The following BMAL1 variants were observed in gnomAD, a reference collection of about 807,000 sequenced individuals.
BMAL1 encodes the protein basic helix-loop-helix ARNT-like protein 1.
the BMAL1 span, among the ~76,000 whole-genome samples, chr11:13,362,643 A>G: frequency 6.6e-6 from 1 of 152,114 alleles, no homozygotes; most frequent in Non-Finnish European, 1.5e-5. Context: ...CTCTCAGGAC[A>G]CAGTTATTCA....
chr11:13,315,136 C>T, the BMAL1 span, among the ~76,000 whole-genome samples: 1 of 152,158 alleles, frequency 6.6e-6, no homozygotes, highest in African/African-American at 2.4e-5. Flanking sequence ...CCGAGGTGTC[C>T]TGCAGACCAG....
At chr11:13,286,417 A>G in the BMAL1 span, among the ~76,000 whole-genome samples, 3 of 152,212 alleles carry the variant, frequency 2.0e-5, no homozygotes, top group Admixed American at 6.5e-5. Context: ...TGGGCTCCAG[A>G]CTGGGCCCAG....
At chr11:13,386,281 T>G in the BMAL1 span, among the ~76,000 whole-genome samples, 1 of 152,062 alleles carries the variant, frequency 6.6e-6, no homozygotes, top group Admixed American at 6.5e-5. Flanking sequence ...ATTATTAAAA[T>G]AAGCTTGACT....
chr11:13,279,327 T>G, the BMAL1 span, among the ~76,000 whole-genome samples: 1 of 152,210 alleles, frequency 6.6e-6, no homozygotes, highest in Non-Finnish European at 1.5e-5. Flanking sequence ...AGCTGCCCCT[T>G]AGATGCATTC....
chr11:13,299,294 GT>G, the BMAL1 span, among the ~76,000 whole-genome samples: 4 of 152,182 alleles, frequency 2.6e-5, no homozygotes, highest in African/African-American at 9.7e-5. Context: ...GCTTTGAGAG[GT>G]TGGGGTCATT....
chr11:13,371,301 G>T, the BMAL1 span, among the ~76,000 whole-genome samples: 1 of 152,268 alleles, frequency 6.6e-6, no homozygotes, highest in South Asian at 2.1e-4. Context: ...CTCTGAGTCA[G>T]TGAATGACAC....
the BMAL1 span, among the ~76,000 whole-genome samples, chr11:13,284,135 T>C: frequency 1.4e-5 from 1 of 70,986 alleles, no homozygotes; most frequent in Admixed American, 1.6e-4. Flanking sequence ...TGTGTATATA[T>C]ATATATATGT....
At chr11:13,299,943 T>C in the BMAL1 span, among the ~76,000 whole-genome samples, 2 of 152,192 alleles carry the variant, frequency 1.3e-5, no homozygotes, top group African/African-American at 2.4e-5. Context: ...AAGCTTGACA[T>C]TGAGTGTCCG....
chr11:13,319,926 A>G, the BMAL1 span, among the ~76,000 whole-genome samples: 1 of 152,158 alleles, frequency 6.6e-6, no homozygotes, highest in African/African-American at 2.4e-5. Flanking sequence ...GGCTGAGACA[A>G]AGTTTTTGCC....
the BMAL1 span, among the ~76,000 whole-genome samples, chr11:13,321,393 G>GTCA: frequency 1.3e-5 from 2 of 152,152 alleles, no homozygotes. Context: ...TTTGTGAAAT[G>GTCA]GGCTGCCCGT....
At chr11:13,373,748 A>G in the BMAL1 span, among the ~76,000 whole-genome samples, 2 of 152,158 alleles carry the variant, frequency 1.3e-5, no homozygotes, top group African/African-American at 4.8e-5. Context: ...AGCTCAGACA[A>G]TCTGCCCAAC....
chr11:13,286,072 A>G, the BMAL1 span, among the ~76,000 whole-genome samples: 12 of 152,340 alleles, frequency 7.9e-5, no homozygotes, highest in South Asian at 2.1e-4. Flanking sequence ...AAATTTTTCT[A>G]TAAGAAACAA....
the BMAL1 span, chr11:13,355,362 G>A: frequency 6.7e-7 from 1 of 1,483,440 alleles, no homozygotes; most frequent in Non-Finnish European, 9.4e-7. Flanking sequence ...TGAGGGCTGT[G>A]AGGGCGTTCT....
chr11:13,344,094 C>T, the BMAL1 span, among the ~76,000 whole-genome samples: 2 of 152,198 alleles, frequency 1.3e-5, no homozygotes, highest in Non-Finnish European at 2.9e-5. Context: ...GTGCTGTCCT[C>T]TGCTCAGGGC....
the BMAL1 span, among the ~76,000 whole-genome samples, chr11:13,308,020 G>A: frequency 6.6e-6 from 1 of 152,116 alleles, no homozygotes; most frequent in East Asian, 1.9e-4. Flanking sequence ...GTAGCAGCAG[G>A]GAAGCAGGGC....
the BMAL1 span, chr11:13,360,519 T>A: frequency 3.9e-6 from 3 of 770,156 alleles, no homozygotes; most frequent in East Asian, 1.1e-4. Flanking sequence ...AACACTGAGC[T>A]TTTTTTTTTA....
chr11:13,378,330 G>C, the BMAL1 span: 28 of 1,602,502 alleles, frequency 1.7e-5, no homozygotes, highest in Non-Finnish European at 2.4e-5. Context: ...AGATTCCTTT[G>C]TTGTAGGTGG....
chr11:13,277,910 C>T, the BMAL1 span: 1 of 151,462 alleles, frequency 6.6e-6, no homozygotes, highest in Non-Finnish European at 1.5e-5. Flanking sequence ...CGCGGGCGCT[C>T]CCGGCGAGCC....
At chr11:13,347,682 A>AT in the BMAL1 span, among the ~76,000 whole-genome samples, 1 of 85,000 alleles carries the variant, frequency 1.2e-5, no homozygotes, top group Non-Finnish European at 3.0e-5. Context: ...CCTCCTCTCT[A>AT]CAAAAAATAT....
Sources: allele counts gnomAD v4.1 joint callset (sites outside exome capture counted in the v4.1 genomes callset), GRCh38; gene constraint gnomAD v4.1.1; transcripts MANE v1.5; gene names NCBI Gene and HGNC (gene_info 2026-07-23, HGNC 2026-07-21).